MBNL1: variants seen among roughly 807,000 people sequenced by gnomAD.
The protein encoded by MBNL1 is muscleblind like splicing regulator 1, also known as muscleblind-like protein 1.
In MBNL1, 8 loss-of-function variants were observed where a neutral mutation model predicts 42.2. The observed-to-expected ratio is 0.19, with a 90% CI of 0.11 to 0.34. The LOEUF (loss-of-function observed/expected upper bound fraction) is 0.34. Ranked by LOEUF, MBNL1 falls within the 10% of genes least tolerant of loss-of-function variation. The probability of loss-of-function intolerance (pLI) is 1.00; values close to 1 mark genes in which losing one functional copy is unlikely to be tolerated. For synonymous variants in MBNL1, 169 were observed against 173.9 expected, an observed-to-expected ratio of 0.97 and a Z score of 0.22; for missense variants, 309 against 495.3, an observed-to-expected ratio of 0.62 and a Z score of 3.57.
chr3:152,460,600 AACTT>A (rs1335295862), intron 9 of MBNL1, among the ~76,000 whole-genome samples: 1 of 151,704 alleles, frequency 6.6e-6, no homozygotes, highest in African/African-American at 2.4e-5. Flanking sequence ...TGTACCCTAA[AACTT>A]AAAGTATAAA....
intron 2 of MBNL1, among the ~76,000 whole-genome samples, chr3:152,306,885 G>C (rs1158804873): frequency 2.6e-5 from 4 of 152,152 alleles, no homozygotes; most frequent in African/African-American, 9.7e-5. Flanking sequence ...CATCACTTCT[G>C]TCTTGCTTAT....
At chr3:152,332,737 T>TGC (rs1410406495) in intron 2 of MBNL1, among the ~76,000 whole-genome samples, 3,783 of 104,492 alleles carry the variant, frequency 0.036, 55 homozygotes, top group African/African-American at 0.045. Flanking sequence ...TGTGTGTGTG[T>TGC]GTGCGCGCGC....
chr3:152,275,707 C>CAAAAAA (rs60796721), intron 1 of MBNL1, among the ~76,000 whole-genome samples: 1 of 29,640 alleles, frequency 3.4e-5, no homozygotes, highest in Non-Finnish European at 5.5e-5. Flanking sequence ...ACTCTTGTCT[C>CAAAAAA]AAAAAAAAAA....
At chr3:152,294,118 C>T (rs148660071) in intron 1 of MBNL1, among the ~76,000 whole-genome samples, 32 of 151,772 alleles carry the variant, frequency 2.1e-4, no homozygotes, top group Non-Finnish European at 3.5e-4. Flanking sequence ...AGAATATATA[C>T]ATGATTTCTG....
intron 9 of MBNL1, among the ~76,000 whole-genome samples, chr3:152,459,883 T>C (rs4992533): frequency 0.21 from 30,142 of 143,472 alleles, 3,205 homozygotes; most frequent in South Asian, 0.28. Flanking sequence ...TTTTTTTTTT[T>C]CATTCTTTGG....
chr3:152,426,630 T>C (rs2098935677), intron 3 of MBNL1, among the ~76,000 whole-genome samples: 1 of 152,144 alleles, frequency 6.6e-6, no homozygotes, highest in African/African-American at 2.4e-5. Context: ...TAAAGAGCTT[T>C]GCATGATATC....
chr3:152,395,426 T>C (rs1194369055), intron 2 of MBNL1, among the ~76,000 whole-genome samples: 2 of 152,238 alleles, frequency 1.3e-5, no homozygotes, highest in African/African-American at 4.8e-5. Context: ...TTTTTTCTTC[T>C]CAAGCATTTT....
chr3:152,311,780 G>A (rs1201357607), intron 2 of MBNL1, among the ~76,000 whole-genome samples: 1 of 151,934 alleles, frequency 6.6e-6, no homozygotes, highest in Admixed American at 6.6e-5. Flanking sequence ...ATTCTATTTT[G>A]TTCATGATAT....
chr3:152,330,485 C>T (rs2083608322), intron 2 of MBNL1, among the ~76,000 whole-genome samples: 1 of 152,106 alleles, frequency 6.6e-6, no homozygotes, highest in South Asian at 2.1e-4. Flanking sequence ...CATTTAGGTG[C>T]AGAAAATGGC....
chr3:152,389,634 A>G (rs2153461117), intron 2 of MBNL1, among the ~76,000 whole-genome samples: 1 of 152,280 alleles, frequency 6.6e-6, no homozygotes, highest in African/African-American at 2.4e-5. Context: ...TAGACATAGA[A>G]AAGGCACAGT....
At chr3:152,293,710 C>T (rs967543887) in intron 1 of MBNL1, among the ~76,000 whole-genome samples, 10 of 152,154 alleles carry the variant, frequency 6.6e-5, no homozygotes, top group Non-Finnish European at 1.0e-4. Flanking sequence ...ACATTAAAAG[C>T]ATATTAAATA....
intron 2 of MBNL1, chr3:152,340,601 T>C (rs773036690): frequency 1.2e-6 from 2 of 1,613,952 alleles, no homozygotes; most frequent in South Asian, 2.2e-5. Context: ...CTTCCAAGTT[T>C]GGAAACTATC....
intron 2 of MBNL1, among the ~76,000 whole-genome samples, chr3:152,317,188 A>T (rs1439577490): frequency 1.3e-5 from 2 of 152,198 alleles, no homozygotes. Context: ...TTTATTAATG[A>T]CAAATCAGCC....
At chr3:152,454,006 T>G (rs900597334) in intron 6 of MBNL1, among the ~76,000 whole-genome samples, 5 of 152,192 alleles carry the variant, frequency 3.3e-5, no homozygotes, top group African/African-American at 1.2e-4. Flanking sequence ...ACAGTAATGA[T>G]TTTATAAGAT....
At chr3:152,323,131 A>C (rs1224356223) in intron 2 of MBNL1, among the ~76,000 whole-genome samples, 1 of 152,088 alleles carries the variant, frequency 6.6e-6, no homozygotes, top group Non-Finnish European at 1.5e-5. Flanking sequence ...TTAACATTAC[A>C]TTTGCATTCT....
chr3:152,327,485 T>A (rs1560161234), intron 2 of MBNL1, among the ~76,000 whole-genome samples: 1 of 152,098 alleles, frequency 6.6e-6, no homozygotes. Flanking sequence ...GTAGGTGAGA[T>A]AACAGGCATG....
chr3:152,373,590 G>A (rs983396346), intron 2 of MBNL1, among the ~76,000 whole-genome samples: 16 of 152,160 alleles, frequency 1.1e-4, no homozygotes, highest in South Asian at 8.3e-4. Context: ...TGAGCTTACC[G>A]TGTGAGGTGA....
At chr3:152,323,719 A>G (rs367880207) in intron 2 of MBNL1, among the ~76,000 whole-genome samples, 4 of 152,152 alleles carry the variant, frequency 2.6e-5, no homozygotes, top group African/African-American at 9.7e-5. Context: ...CAAACGTAGA[A>G]AAGATATTGT....
intron 6 of MBNL1, among the ~76,000 whole-genome samples, chr3:152,448,904 A>G (rs1715918605): frequency 6.6e-6 from 1 of 152,200 alleles, no homozygotes; most frequent in Non-Finnish European, 1.5e-5. Flanking sequence ...CCAGTGCCCC[A>G]GACACGTGGA....
Sources: allele counts gnomAD v4.1 joint callset (sites outside exome capture counted in the v4.1 genomes callset), GRCh38; gene constraint gnomAD v4.1.1; transcripts MANE v1.5; gene names NCBI Gene and HGNC (gene_info 2026-07-23, HGNC 2026-07-21).